DPP6: variants seen among roughly 807,000 people sequenced by gnomAD.
DPP6 encodes dipeptidyl peptidase like 6, also known as A-type potassium channel modulatory protein DPP6.
In DPP6, 69 loss-of-function variants were observed where a neutral mutation model predicts 122.6. The observed-to-expected ratio is 0.56, with a 90% CI of 0.46 to 0.69. DPP6 has a LOEUF of 0.69. DPP6 is among the 30% of genes least tolerant of loss of function. The pLI, the probability that DPP6 is intolerant of heterozygous loss-of-function variation, is 0.00. For synonymous variants in DPP6, 418 were observed against 433.1 expected (o/e 0.97, Z 0.43); for missense variants, 928 against 1,116.9 (o/e 0.83, Z 2.41).
the DPP6 span, among the ~76,000 whole-genome samples, chr7:153,750,278 T>C: frequency 6.6e-6 from 1 of 152,154 alleles, no homozygotes; most frequent in African/African-American, 2.4e-5. Flanking sequence ...CTCTGATCTC[T>C]GTTCTCACTA....
intron 7 of DPP6, among the ~76,000 whole-genome samples, chr7:154,693,995 T>TG (rs1207213059): frequency 6.6e-6 from 1 of 152,158 alleles, no homozygotes; most frequent in Non-Finnish European, 1.5e-5. Flanking sequence ...TATCGTAGAC[T>TG]GGGGTGCTTA....
chr7:154,232,034 G>A lies in DPP6; in HGVS notation c.243+178971G>A, dbSNP rs75774532. ...ACCCTCAAACAGCCTCGTGTTTCAT[G>A]GTGCAGCACTACAGGGACAAATGCT... On this transcript the variant is annotated intron_variant, in intron 1 of 25. Coordinates refer to ENST00000377770, the MANE Select transcript of DPP6 (RefSeq NM_130797.4). Among the ~76,000 whole-genome samples, 593 of 152,262 alleles carry A rather than the reference G, an allele frequency of 3.9e-3. 4 individuals carry two copies. The highest frequency in any genetic ancestry group is 0.02 in the Middle Eastern group (6 of 294).
At chr7:153,963,813 C>T (rs1330928525) in intron 1 of DPP6, among the ~76,000 whole-genome samples, 5 of 152,132 alleles carry the variant, frequency 3.3e-5, no homozygotes, top group African/African-American at 1.2e-4. Flanking sequence ...AACTGTCTTC[C>T]ACAAAACCAG....
chr7:154,147,625 A>G (rs1363048587), intron 1 of DPP6, among the ~76,000 whole-genome samples: 1 of 151,070 alleles, frequency 6.6e-6, no homozygotes, highest in Non-Finnish European at 1.5e-5. Flanking sequence ...GATTACAGGC[A>G]CCCACCACTA....
At chr7:154,873,307 A>G (rs1307378398) in intron 19 of DPP6, among the ~76,000 whole-genome samples, 2 of 152,164 alleles carry the variant, frequency 1.3e-5, no homozygotes, top group African/African-American at 4.8e-5. Flanking sequence ...CCCTGAGTCT[A>G]GGTGATGTCC....
Position 154,872,229 on chromosome 7 carries a change from A to C in DPP6, c.1814-395A>C, listed in dbSNP as rs149568122. Among the ~76,000 whole-genome samples the C allele has an allele frequency of 7.0e-3, 1,060 of 152,178 alleles. 7 individuals carry two copies. Among genetic ancestry groups the C allele is most frequent in the African/African-American group, 0.024 (1,004 of 41,524 alleles). On this transcript the variant is annotated intron_variant, in intron 18 of 25. Coordinates refer to ENST00000377770, the MANE Select transcript of DPP6 (RefSeq NM_130797.4). ...CCTCTCCCTGCCTCCCTGCTCCCAA[A>C]TATCCATCCCCAGCATCCCCGATCA...
At chr7:154,300,697 A>T (rs926111583) in intron 1 of DPP6, among the ~76,000 whole-genome samples, 2 of 152,182 alleles carry the variant, frequency 1.3e-5, no homozygotes, top group Admixed American at 1.3e-4. Context: ...TGGATCAAAC[A>T]TCTGGATATG....
chr7:153,841,161 A>G, the DPP6 span, among the ~76,000 whole-genome samples: 6 of 152,338 alleles, frequency 3.9e-5, no homozygotes, highest in South Asian at 1.2e-3. Context: ...ATATTATGTG[A>G]TGATGGGGAT....
chr7:154,121,642 T>C (rs1459635956), intron 1 of DPP6, among the ~76,000 whole-genome samples: 11 of 152,234 alleles, frequency 7.2e-5, no homozygotes, highest in Admixed American at 7.2e-4. Context: ...AAAGACACTT[T>C]GTGTGAGTTG....
At chr7:154,601,982 T>A (rs1409278960) in intron 5 of DPP6, among the ~76,000 whole-genome samples, 1 of 121,554 alleles carries the variant, frequency 8.2e-6, no homozygotes, top group African/African-American at 2.6e-5. Context: ...TGCTATTAGG[T>A]TGGTGCAAAA....
At chr7:154,868,151 C>G in intron 18 of DPP6, 58 bp downstream of exon 18, 1 of 1,547,340 alleles carries the variant, frequency 6.5e-7, no homozygotes, top group Non-Finnish European at 8.7e-7. Flanking sequence ...TGGGCTGTGA[C>G]ACAGTGCAGT....
intron 8 of DPP6, among the ~76,000 whole-genome samples, chr7:154,754,693 A>G (rs544896145): frequency 6.6e-6 from 1 of 152,354 alleles, no homozygotes; most frequent in South Asian, 2.1e-4. Flanking sequence ...TTATTGCAGC[A>G]CTATTTACAA....
chr7:154,530,230 C>G (rs1481811998), intron 3 of DPP6, among the ~76,000 whole-genome samples: 1 of 151,972 alleles, frequency 6.6e-6, no homozygotes. Context: ...AGATATCCAT[C>G]TGCCCAATTT....
chr7:154,548,224 TAATA>T (rs1829355241), intron 4 of DPP6, among the ~76,000 whole-genome samples: 4 of 149,702 alleles, frequency 2.7e-5, no homozygotes, highest in Admixed American at 2.0e-4. Context: ...AAAATAAAAA[TAATA>T]AATAAGTACA....
At chr7:154,247,853 G>C (rs890171471) in intron 1 of DPP6, among the ~76,000 whole-genome samples, 1 of 152,086 alleles carries the variant, frequency 6.6e-6, no homozygotes, top group African/African-American at 2.4e-5. Context: ...AAGAAGCCAG[G>C]TATCTTTCAA....
At chr7:153,761,906 C>G in the DPP6 span, among the ~76,000 whole-genome samples, 1 of 152,012 alleles carries the variant, frequency 6.6e-6, no homozygotes, top group Non-Finnish European at 1.5e-5. Flanking sequence ...AATAAAATAC[C>G]CAGGGACACT....
At chr7:154,700,815 G>A (rs1174341485) in intron 7 of DPP6, among the ~76,000 whole-genome samples, 1 of 151,936 alleles carries the variant, frequency 6.6e-6, no homozygotes, top group Non-Finnish European at 1.5e-5. Flanking sequence ...TTGACCTAGC[G>A]AAGAAAATGT....
chr7:154,438,255 C>T (rs1448397902), intron 1 of DPP6, among the ~76,000 whole-genome samples: 3 of 151,852 alleles, frequency 2.0e-5, no homozygotes, highest in Non-Finnish European at 4.4e-5. Context: ...ATCACAAGGT[C>T]AGGAGATCGA....
chr7:154,521,586 C>G (rs934501005), intron 3 of DPP6, among the ~76,000 whole-genome samples: 6 of 152,126 alleles, frequency 3.9e-5, no homozygotes, highest in Non-Finnish European at 8.8e-5. Context: ...ATTGGGCAGT[C>G]TCAGATCTTA....
Sources: allele counts gnomAD v4.1 joint callset (sites outside exome capture counted in the v4.1 genomes callset), GRCh38; gene constraint gnomAD v4.1.1; transcripts MANE v1.5; gene names NCBI Gene and HGNC (gene_info 2026-07-23, HGNC 2026-07-21).